Variants in NID1 observed in about 807,000 individuals in gnomAD.
NID1 encodes the protein nidogen 1.
In NID1, 76 loss-of-function variants were observed where a neutral mutation model predicts 130.6. The ratio of observed to expected loss-of-function variants is 0.58; its 90% CI spans 0.48 to 0.70. NID1 has a LOEUF of 0.70. NID1 is among the 30% of genes least tolerant of loss of function. The probability of loss-of-function intolerance (pLI) is 0.00; values close to 1 mark genes in which losing one functional copy is unlikely to be tolerated. For synonymous variants in NID1, 665 were observed against 675.1 expected (o/e 0.98, Z 0.23); for missense variants, 1,517 against 1,664.8 (o/e 0.91, Z 1.54).
intron 9 of NID1, among the ~76,000 whole-genome samples, chr1:236,018,112 CAA>C (rs889715413): frequency 6.6e-6 from 1 of 152,078 alleles, no homozygotes; most frequent in Non-Finnish European, 1.5e-5. Flanking sequence ...TGTAAATGAA[CAA>C]AGAGAGTGAT....
intron 12 of NID1, among the ~76,000 whole-genome samples, chr1:235,999,481 A>AG (rs1245006905): frequency 3.3e-5 from 5 of 151,898 alleles, no homozygotes; most frequent in African/African-American, 1.2e-4. Flanking sequence ...CTCTAGGGAG[A>AG]GTCCCCTGCT....
intron 1 of NID1, among the ~76,000 whole-genome samples, chr1:236,060,271 T>C (rs1424431690): frequency 2.0e-5 from 3 of 152,130 alleles, no homozygotes; most frequent in African/African-American, 4.8e-5. Flanking sequence ...TCCATGGCAT[T>C]TGTAAAGTGT....
chr1:236,041,882 T>C, intron 4 of NID1, 28 bp downstream of exon 4: 1 of 1,580,314 alleles, frequency 6.3e-7, no homozygotes, highest in Non-Finnish European at 8.6e-7. Context: ...TCCAAGATCG[T>C]TACCAACTGC....
At chr1:236,015,854 C>T (rs971588687) in intron 10 of NID1, among the ~76,000 whole-genome samples, 2 of 152,030 alleles carry the variant, frequency 1.3e-5, no homozygotes, top group Admixed American at 6.6e-5. Flanking sequence ...AAGTAAATGT[C>T]TGAAGCAGAC....
chr1:236,017,508 C>T (rs539667252), intron 9 of NID1, among the ~76,000 whole-genome samples: 25 of 152,108 alleles, frequency 1.6e-4, no homozygotes, highest in Non-Finnish European at 3.1e-4. Flanking sequence ...GCCTCAGCCT[C>T]CCCAGTAGCT....
intron 14 of NID1, among the ~76,000 whole-genome samples, chr1:235,987,655 G>A (rs1433528113): frequency 6.6e-6 from 1 of 152,138 alleles, no homozygotes; most frequent in African/African-American, 2.4e-5. Flanking sequence ...GGAAACTATT[G>A]AAACACTGAA....
Position 236,024,230 on chromosome 1 carries a change from A to C in NID1, c.1985-17T>G. ...GGGAGCCTTCTGTGAAGACAGAGACATTGGAACCAAGTGAGTCTTCAGGAG... is the reference window on the plus strand; with the variant it reads ...GGGAGCCTTCTGTGAAGACAGAGACCTTGGAACCAAGTGAGTCTTCAGGAG... On this transcript the variant is annotated splice_polypyrimidine_tract_variant and intron_variant, in intron 8 of 19. Transcript: ENST00000264187. The C allele has an allele frequency of 6.2e-7, 1 of 1,613,754 alleles. No individual in the cohort carries two copies. Among genetic ancestry groups the C allele is most frequent in the Non-Finnish European group, 8.5e-7 (1 of 1,179,794 alleles).
chr1:236,038,751 T>C lies in NID1; in HGVS notation c.1136-498A>G, dbSNP rs189775933. Among the ~76,000 whole-genome samples, 658 of 75,172 alleles carry C rather than the reference T, an allele frequency of 8.8e-3. 19 individuals are homozygous for C. The highest frequency in any genetic ancestry group is 0.044 in the Middle Eastern group (5 of 114). 49.3% of individuals were successfully genotyped at this position (75,172 alleles called of 152,430 possible). On this transcript the variant is annotated intron_variant, in intron 4 of 19. Coordinates refer to ENST00000264187, the MANE Select transcript of NID1 (RefSeq NM_002508.3). ...TCATATATAATATATATTACCTATG[T>C]TATATAGGTCATATATAATATATAT...
At chr1:235,980,020 T>C (rs1657392257) in intron 17 of NID1, 75 bp from the exon 18 acceptor site, 3 of 1,520,678 alleles carry the variant, frequency 2.0e-6, no homozygotes, top group African/African-American at 2.7e-5. Flanking sequence ...ACAAGAGTAA[T>C]GAGGGCAAGA....
At position 236,017,299 on chromosome 1, in the gene NID1, C is replaced by A. The variant is rs1340322588; in HGVS notation, c.2129-26G>T. The A allele has an allele frequency of 2.5e-6, 4 of 1,611,886 alleles. No individual in the cohort carries two copies. In the East Asian group the frequency reaches 8.9e-5, roughly 36 times the overall value. ...CTGCAGCAAAAATTTTTTTTTACTG[C>A]AGGCTTTTTTTTAAAGCTCTTCAAA... is the stretch of plus-strand genomic sequence containing the variant. On this transcript the variant is annotated intron_variant, in intron 9 of 19. Transcript: ENST00000264187.
chr1:236,057,244 G>A (rs1303254177), intron 1 of NID1, among the ~76,000 whole-genome samples: 1 of 152,144 alleles, frequency 6.6e-6, no homozygotes, highest in Non-Finnish European at 1.5e-5. Context: ...GGGAGACAGA[G>A]AGAGAATCCA....
intron 1 of NID1, among the ~76,000 whole-genome samples, chr1:236,054,915 T>A (rs900815785): frequency 6.6e-6 from 1 of 152,104 alleles, no homozygotes; most frequent in Non-Finnish European, 1.5e-5. Flanking sequence ...GTGCTGGGAT[T>A]ACAGGTATGA....
intron 6 of NID1, among the ~76,000 whole-genome samples, chr1:236,030,677 T>C (rs937516046): frequency 6.6e-6 from 1 of 152,236 alleles, no homozygotes; most frequent in Non-Finnish European, 1.5e-5. Context: ...TTTAAATATT[T>C]ACTATCTGGC....
chr1:236,026,677 C>T (rs1658938916), intron 7 of NID1, among the ~76,000 whole-genome samples: 1 of 151,984 alleles, frequency 6.6e-6, no homozygotes, highest in Non-Finnish European at 1.5e-5. Context: ...TCTGTCACAA[C>T]GTGCTAACTG....
intron 4 of NID1, among the ~76,000 whole-genome samples, chr1:236,040,383 C>G (rs1453605117): frequency 6.6e-6 from 1 of 152,152 alleles, no homozygotes; most frequent in Admixed American, 6.6e-5. Context: ...CAGTAAGCAC[C>G]CCATCTCGTC....
intron 1 of NID1, among the ~76,000 whole-genome samples, chr1:236,063,328 C>T (rs1163211044): frequency 1.3e-5 from 2 of 151,462 alleles, no homozygotes; most frequent in African/African-American, 4.9e-5. Flanking sequence ...AAAAATTAGC[C>T]AAGTGTGGTG....
intron 5 of NID1, among the ~76,000 whole-genome samples, chr1:236,035,785 C>G (rs1400500253): frequency 6.6e-6 from 1 of 152,190 alleles, no homozygotes; most frequent in Non-Finnish European, 1.5e-5. Flanking sequence ...CCAACAGAGT[C>G]ATTCTGCACA....
intron 16 of NID1, among the ~76,000 whole-genome samples, chr1:235,980,978 G>T (rs1012797650): frequency 6.6e-6 from 1 of 152,192 alleles, no homozygotes; most frequent in African/African-American, 2.4e-5. Flanking sequence ...TTCCCTGCAT[G>T]AGGCCCACAT....
chr1:235,979,722 A>C lies in NID1; in HGVS notation c.3509+100T>G. ...CTAGAGGGGGCATTTCTGGAGGCTC[A>C]AAAGTCAAGCCAAGAGGCCAGATGG... On this transcript the variant is annotated intron_variant, in intron 18 of 19. Coordinates refer to ENST00000264187, the MANE Select transcript of NID1 (RefSeq NM_002508.3). This position sits in a 1 kb window ranked among gnomAD's most constrained non-coding sequence, Gnocchi z 4.6. 2.1e-6 allele frequency: 3 copies of C among 1,433,152 alleles called. No individual in the cohort carries two copies. The South Asian group carries it at 3.6e-5, about 17-fold the overall frequency. The allele number at this position is 1,433,152 out of a possible 1,614,324, so 88.8% of individuals were successfully genotyped here.
Sources: gnomAD v4.1 joint callset for allele counts (sites outside exome capture counted in the v4.1 genomes callset) on GRCh38, gnomAD v4.1.1 for gene constraint, Gnocchi (gnomAD v3.1) non-coding constraint, MANE v1.5 for transcripts, NCBI Gene and HGNC (gene_info 2026-07-23, HGNC 2026-07-21) for gene names.